Variants in SCARA3 observed in about 807,000 individuals in gnomAD.
SCARA3 encodes cellular stress response gene protein.
SCARA3 carries 39 observed loss-of-function variants against 47.0 expected under a neutral mutation model. The observed-to-expected ratio is 0.83, with a 90% confidence interval of 0.64 to 1.08. The LOEUF is 1.08. Ranked by LOEUF, SCARA3 falls within the 50% of genes least tolerant of loss-of-function variation. The pLI, the probability that SCARA3 is intolerant of heterozygous loss-of-function variation, is 0.00. For missense variants in SCARA3, 724 were observed against 792.3 expected (o/e 0.91, Z 1.04); for synonymous variants, 356 against 334.1 (o/e 1.07, Z -0.71).
chr8:27,727,885 A>G, the SCARA3 span, among the ~76,000 whole-genome samples: 2 of 152,198 alleles, frequency 1.3e-5, no homozygotes, highest in African/African-American at 4.8e-5. Flanking sequence ...AGATGTGACA[A>G]TTTAAAGGAC....
At chr8:27,674,517 C>G (rs897831380), downstream of SCARA3, among the ~76,000 whole-genome samples, 1 of 152,126 alleles carries the variant, frequency 6.6e-6, no homozygotes, top group East Asian at 1.9e-4. Context: ...GCAATTCTAA[C>G]CAAGTGCTCC....
At chr8:27,638,240 A>G (rs1051102835) in intron 1 of SCARA3, among the ~76,000 whole-genome samples, 1 of 151,942 alleles carries the variant, frequency 6.6e-6, no homozygotes, top group African/African-American at 2.4e-5. Flanking sequence ...GTTAGAATTG[A>G]TGTACAGGGT....
At chr8:27,710,468 A>C in the SCARA3 span, among the ~76,000 whole-genome samples, 3 of 152,192 alleles carry the variant, frequency 2.0e-5, no homozygotes, top group Admixed American at 2.0e-4. Context: ...TATTGAAAAA[A>C]TTCAAAGCAT....
the SCARA3 span, chr8:27,697,139 G>C: frequency 5.5e-6 from 1 of 182,276 alleles, no homozygotes; most frequent in Non-Finnish European, 1.2e-5. Flanking sequence ...CTCAGTGTCT[G>C]TAAAAGGCAT....
the SCARA3 span, among the ~76,000 whole-genome samples, chr8:27,681,811 C>G: frequency 6.6e-6 from 1 of 151,908 alleles, no homozygotes; most frequent in Non-Finnish European, 1.5e-5. Context: ...GCGATATATA[C>G]CATGTTCATG....
chr8:27,647,391 G>A lies in SCARA3; in HGVS notation c.8-2311G>A, dbSNP rs540953542. Among the ~76,000 whole-genome samples, 18 of 152,286 alleles carry A rather than the reference G, an allele frequency of 1.2e-4. No individual in the cohort carries two copies. The South Asian group carries it at 1.7e-3, about 14-fold the overall frequency. ...TCCTAAACCCCAGGTCTCCTTTGTC[G>A]CCCCAGATTAATTCAATCTCTGGGG... On this transcript the variant is annotated intron_variant, in intron 1 of 5. Coordinates refer to ENST00000301904, the MANE Select transcript of SCARA3 (RefSeq NM_016240.3).
intron 5 of SCARA3, among the ~76,000 whole-genome samples, chr8:27,665,623 G>A (rs752451487): frequency 2.0e-5 from 3 of 152,042 alleles, no homozygotes; most frequent in South Asian, 2.1e-4. Flanking sequence ...ACCCACCTTC[G>A]GCCTCCCAAA....
the SCARA3 span, among the ~76,000 whole-genome samples, chr8:27,731,911 CT>C: frequency 2.6e-4 from 13 of 49,258 alleles, no homozygotes; most frequent in Non-Finnish European, 5.7e-4. Context: ...CGAATATTTT[CT>C]CTTTTTCAGT....
At chr8:27,714,381 G>T in the SCARA3 span, among the ~76,000 whole-genome samples, 451 of 151,856 alleles carry the variant, frequency 3.0e-3, 3 homozygotes, top group African/African-American at 0.011. Context: ...TTTTAGTAGA[G>T]ATGGGATTTC....
rs749255020 is a variant in SCARA3 at position 27,659,090 on chromosome 8, T to C, written c.920T>C (p.Leu307Ser). The change falls in exon 5 of 6, where the codon TTG becomes TCG. Residue 307 changes from leucine (L) to serine (S), a missense_variant. By Grantham distance (145) the Leu-to-Ser change is moderately radical. Transcript: ENST00000301904. ...MHDLVLQVMG[L>S]QLQLDNISSF... ...GACCTGGTACTCCAGGTCATGGGCT[T>C]GCAGCTGCAGCTGGATAACATCTCG... The C allele has an allele frequency of 1.1e-5, 18 of 1,613,914 alleles. No homozygotes were observed. Among genetic ancestry groups the C allele is most frequent in the Non-Finnish European group, 1.5e-5 (18 of 1,180,002 alleles).
chr8:27,667,372 A>G (rs1468172493), intron 5 of SCARA3, among the ~76,000 whole-genome samples: 2 of 152,200 alleles, frequency 1.3e-5, no homozygotes, highest in Non-Finnish European at 2.9e-5. Flanking sequence ...CACTCTTTAG[A>G]AAAAGGCTCT....
At chr8:27,665,085 G>A (rs147385535) in intron 5 of SCARA3, among the ~76,000 whole-genome samples, 119 of 152,292 alleles carry the variant, frequency 7.8e-4, no homozygotes, top group African/African-American at 2.8e-3. Context: ...GGAACTGAGC[G>A]GCTATCTGGA....
chr8:27,730,189 G>A, the SCARA3 span, among the ~76,000 whole-genome samples: 2 of 152,184 alleles, frequency 1.3e-5, no homozygotes, highest in African/African-American at 4.8e-5. Flanking sequence ...TGGATCAGAG[G>A]AGCTTATTAA....
rs759929313 is a variant in SCARA3, at chr8:27,671,136, C to G, written c.1606C>G (p.Gln536Glu). Reference sequence around the variant, plus strand: ...CTTTGGAACTGGAGGGCCGAGAGGACAGCCAGGCCCAAAAGGGGACATAGG... The same window carrying G: ...CTTTGGAACTGGAGGGCCGAGAGGAGAGCCAGGCCCAAAAGGGGACATAGG... ...GSFGTGGPRG[Q>E]PGPKGDIGPP... The change falls in exon 6 of 6, where the codon CAG (glutamine) becomes GAG (glutamate). Residue 536 changes from glutamine (Q) to glutamate (E), a missense_variant. Transcript: ENST00000301904. 2.6e-6 allele frequency: 4 copies of G among 1,568,474 alleles called. No homozygotes were observed. Among genetic ancestry groups the G allele is most frequent in the Non-Finnish European group, 3.5e-6 (4 of 1,157,742 alleles).
the SCARA3 span, among the ~76,000 whole-genome samples, chr8:27,719,476 C>A: frequency 6.6e-6 from 1 of 151,190 alleles, no homozygotes; most frequent in Non-Finnish European, 1.5e-5. Flanking sequence ...CAACAAACTT[C>A]TATGACAAGT....
rs2128922049 is a variant in SCARA3 at position 27,662,860 on chromosome 8, G to T, written c.1369+3321G>T. 2.6e-5 allele frequency among the ~76,000 whole-genome samples: 4 copies of T among 152,376 alleles called. No individual in the cohort carries two copies. The South Asian group carries it at 8.3e-4, about 32-fold the overall frequency. Reference sequence around the variant, plus strand: ...CATGAGCCCATTGGGCAATGACAGTGGTGGCTGGAGAAAGAGGCTGACTAG... The same window carrying T: ...CATGAGCCCATTGGGCAATGACAGTTGTGGCTGGAGAAAGAGGCTGACTAG... On this transcript the variant is annotated intron_variant, in intron 5 of 5. Transcript: ENST00000301904.
At chr8:27,666,438 C>G (rs1276469876) in intron 5 of SCARA3, among the ~76,000 whole-genome samples, 1 of 152,224 alleles carries the variant, frequency 6.6e-6, no homozygotes, top group Non-Finnish European at 1.5e-5. Flanking sequence ...CTGTCATAAA[C>G]TAGTCCATCG....
chr8:27,715,825 G>GATAC, the SCARA3 span, among the ~76,000 whole-genome samples: 4 of 11,368 alleles, frequency 3.5e-4, no homozygotes, highest in East Asian at 3.5e-3. The surrounding 1 kb of genome is among the most constrained non-coding windows in gnomAD (Gnocchi z 4.2). Flanking sequence ...ATAGATAGAT[G>GATAC]ATAGATAGAT....
At chr8:27,705,377 T>C in the SCARA3 span, among the ~76,000 whole-genome samples, 1 of 152,154 alleles carries the variant, frequency 6.6e-6, no homozygotes, top group African/African-American at 2.4e-5. Context: ...CTGAACGTCA[T>C]AGGAATTTAA....
Sources: allele counts gnomAD v4.1 joint callset (sites outside exome capture counted in the v4.1 genomes callset), GRCh38; gene constraint gnomAD v4.1.1; non-coding constraint Gnocchi (gnomAD v3.1); transcripts MANE v1.5; gene names NCBI Gene and HGNC (gene_info 2026-07-23, HGNC 2026-07-21).